Variants in ANAPC1 observed in about 807,000 individuals in gnomAD.
ANAPC1 encodes the protein anaphase promoting complex subunit 1.
ANAPC1 carries 36 observed loss-of-function variants against 208.0 expected under a neutral mutation model. The ratio of observed to expected loss-of-function variants is 0.17; its 90% CI spans 0.13 to 0.23. The LOEUF is 0.23. ANAPC1 is among the 10% of genes least tolerant of loss of function. ANAPC1 has a pLI of 1.00. For missense variants in ANAPC1, 942 were observed against 2,011.6 expected (o/e 0.47, Z 10.17); for synonymous variants, 378 against 695.2 (o/e 0.54, Z 7.18).
chr2:111,832,699 G>A (rs1342483993), intron 20 of ANAPC1, among the ~76,000 whole-genome samples: 1 of 152,064 alleles, frequency 6.6e-6, no homozygotes, highest in East Asian at 1.9e-4. Context: ...GGAGGCCGAG[G>A]CGGGTGGATC....
At chr2:111,823,014 T>C (rs1278473743) in intron 24 of ANAPC1, among the ~76,000 whole-genome samples, 1 of 114,296 alleles carries the variant, frequency 8.7e-6, no homozygotes. Context: ...TTTTTTTTTT[T>C]TTTTTTTTTT....
intron 10 of ANAPC1, among the ~76,000 whole-genome samples, chr2:111,861,031 T>C (rs1682034995): frequency 6.6e-6 from 1 of 152,226 alleles, no homozygotes; most frequent in Non-Finnish European, 1.5e-5. Context: ...CTTACCGCTG[T>C]CATCAAACAT....
At chr2:111,827,049 C>CCAAA (rs79008400) in intron 21 of ANAPC1, among the ~76,000 whole-genome samples, 103,081 of 151,568 alleles carry the variant, frequency 0.68, 35,240 homozygotes, top group African/African-American at 0.75. Flanking sequence ...CAAGAAACTG[C>CCAAA]CAGTTTTGCA....
intron 22 of ANAPC1, 115 bp from the exon 23 acceptor site, chr2:111,825,282 A>T (rs1378259155): frequency 1.9e-5 from 28 of 1,436,864 alleles, no homozygotes; most frequent in Non-Finnish European, 2.7e-5. Context: ...TCTAAAAAAA[A>T]ATAAAATAAG....
At chr2:111,844,367 GAA>G (rs1680935714) in intron 16 of ANAPC1, among the ~76,000 whole-genome samples, 4 of 151,176 alleles carry the variant, frequency 2.6e-5, no homozygotes, top group Non-Finnish European at 5.9e-5. Context: ...TCAGGAGTTC[GAA>G]ACCAGCCTGA....
At chr2:111,837,098 G>T (rs1483302949) in intron 18 of ANAPC1, among the ~76,000 whole-genome samples, 1 of 150,498 alleles carries the variant, frequency 6.6e-6, no homozygotes, top group Non-Finnish European at 1.5e-5. Context: ...AAGAAGGATA[G>T]ATAAACAAAC....
At chr2:111,862,998 T>TA (rs2104559902) in intron 9 of ANAPC1, among the ~76,000 whole-genome samples, 1 of 149,108 alleles carries the variant, frequency 6.7e-6, no homozygotes, top group East Asian at 2.0e-4. Flanking sequence ...GAGAAATAGA[T>TA]ACATTTACAT....
intron 34 of ANAPC1, among the ~76,000 whole-genome samples, chr2:111,799,159 CA>C (rs1678314768): frequency 6.6e-6 from 1 of 151,902 alleles, no homozygotes; most frequent in Non-Finnish European, 1.5e-5. Context: ...AGACACTTCA[CA>C]AAAAAAGATA....
rs58815496 is a variant in ANAPC1 at position 111,823,000 on chromosome 2, CTTTTTTTTTTT to C, written c.2813-411_2813-401del. On this transcript the variant is annotated intron_variant, in intron 24 of 47. Coordinates refer to ENST00000341068, the MANE Select transcript of ANAPC1 (RefSeq NM_022662.4). ...TAGAGCAATAATAATTCTTTTTATT[CTTTTTTTTTTT>C]TTTTTTTTTTTTTTTTGAGATGGAG... 3.6e-3 allele frequency among the ~76,000 whole-genome samples: 218 copies of C among 61,276 alleles called. 1 individual carries two copies. Among genetic ancestry groups the C allele is most frequent in the African/African-American group, 0.015 (206 of 14,060 alleles). 40.2% of individuals were successfully genotyped at this position (61,276 alleles called of 152,430 possible).
At chr2:111,853,937 C>T (rs952824837) in intron 13 of ANAPC1, among the ~76,000 whole-genome samples, 2 of 152,044 alleles carry the variant, frequency 1.3e-5, no homozygotes, top group Admixed American at 6.6e-5. Flanking sequence ...AGGATGGTCT[C>T]GATCTCCTGA....
At position 111,825,043 on chromosome 2, in the gene ANAPC1, G is replaced by C; in HGVS notation, c.2742-7C>G. 2 of 1,613,824 alleles carry C rather than the reference G, an allele frequency of 1.2e-6. No individual in the cohort carries two copies. The highest frequency in any genetic ancestry group is 1.7e-6 in the Non-Finnish European group (2 of 1,179,846). On this transcript the variant is annotated splice_polypyrimidine_tract_variant and splice_region_variant and intron_variant, in intron 23 of 47. Transcript: ENST00000341068. ...AGAATGCCTGAAACTAAACCTATAA[G>C]AGAATAAAACATAAAGTTATTAAGC...
At chr2:111,855,722 C>G (rs955836598) in intron 13 of ANAPC1, among the ~76,000 whole-genome samples, 1 of 151,920 alleles carries the variant, frequency 6.6e-6, no homozygotes, top group African/African-American at 2.4e-5. Context: ...ACTGATTTAT[C>G]ACAAAATCAG....
Position 111,772,362 on chromosome 2 carries a change from G to A in ANAPC1, c.5698C>T (p.Leu1900=). The A allele has an allele frequency of 1.2e-6, 2 of 1,612,388 alleles. No individual in the cohort carries two copies. The highest frequency in any genetic ancestry group is 8.5e-7 in the Non-Finnish European group (1 of 1,179,446). Residue 1900 remains leucine (L), a synonymous_variant, in exon 47 of 48, where the codon CTG becomes TTG. Transcript: ENST00000341068. ...TTACCTTCTAGTCCTATAGGTGGCA[G>A]GTGCTGTGGAGCTGGCACAGAGTGG... ...VYHSVPAPQH[L]PPIGLEGSTS... is the part of the protein sequence containing the mutation.
Position 111,873,351 on chromosome 2 carries a change from T to C in ANAPC1, c.485A>G (p.His162Arg). 1.2e-6 allele frequency: 2 copies of C among 1,609,428 alleles called. No individual in the cohort carries two copies. Among genetic ancestry groups the C allele is most frequent in the East Asian group, 2.2e-5 (1 of 44,710 alleles). Residue 162 changes from histidine (H) to arginine (R), a missense_variant, in exon 5 of 48, where the codon CAT (histidine) becomes CGT (arginine). Transcript: ENST00000341068. ...CILQSSCINM[H>R]SIEGKDYIAS... is the part of the protein sequence containing the mutation. ...TATGTAATCCTTTCCTTCTATGCTA[T>C]GCATGTTAATACATGAGCTTTGCAA...
At chr2:111,877,519 G>A (rs1182662574) in intron 3 of ANAPC1, among the ~76,000 whole-genome samples, 1 of 152,238 alleles carries the variant, frequency 6.6e-6, no homozygotes, top group African/African-American at 2.4e-5. Context: ...GCTCACGCCT[G>A]TAATCCCAGC....
intron 45 of ANAPC1, among the ~76,000 whole-genome samples, chr2:111,777,427 A>G (rs1677051548): frequency 6.6e-6 from 1 of 151,760 alleles, no homozygotes; most frequent in South Asian, 2.1e-4. Flanking sequence ...CAAGAAGAAC[A>G]CTACTAATAA....
At chr2:111,794,458 A>G in intron 35 of ANAPC1, 135 bp from the exon 36 acceptor site, 1 of 687,070 alleles carries the variant, frequency 1.5e-6, no homozygotes, top group Non-Finnish European at 2.3e-6. Flanking sequence ...CTCAGTCAGC[A>G]GATTTCTATG....
chr2:111,828,447 T>C (rs1453322078), intron 21 of ANAPC1, among the ~76,000 whole-genome samples: 1 of 152,064 alleles, frequency 6.6e-6, no homozygotes, highest in African/African-American at 2.4e-5. Context: ...CAGGTATATA[T>C]TAAAAAGAAC....
At chr2:111,816,324 T>C (rs1269222849) in intron 27 of ANAPC1, among the ~76,000 whole-genome samples, 4 of 150,552 alleles carry the variant, frequency 2.7e-5, no homozygotes, top group Admixed American at 6.6e-5. Flanking sequence ...GTCTTACCTA[T>C]ATATGCCCCC....
Sources: gnomAD v4.1 joint callset for allele counts (sites outside exome capture counted in the v4.1 genomes callset) on GRCh38, gnomAD v4.1.1 for gene constraint, MANE v1.5 for transcripts, NCBI Gene and HGNC (gene_info 2026-07-23, HGNC 2026-07-21) for gene names.